The following EEA1 variants were observed in gnomAD, a reference collection of about 807,000 sequenced individuals.
EEA1 encodes early endosome antigen 1, 162kD.
Under a neutral mutation model 209.2 loss-of-function variants are expected in EEA1, and 111 were observed. The observed-to-expected ratio is 0.53, with a 90% confidence interval of 0.45 to 0.62. EEA1 has a LOEUF of 0.62. Among genes scored for constraint, EEA1 ranks in the 20% least tolerant of loss-of-function variants. The probability of loss-of-function intolerance (pLI) is 0.00; values close to 1 mark genes in which losing one functional copy is unlikely to be tolerated. For synonymous variants in EEA1, 536 were observed against 540.6 expected, an observed-to-expected ratio of 0.99 and a Z score of 0.12; for missense variants, 1,343 against 1,530.8, an observed-to-expected ratio of 0.88 and a Z score of 2.05.
chr12:92,806,025 C>T (rs1875184576), intron 18 of EEA1, among the ~76,000 whole-genome samples: 1 of 151,836 alleles, frequency 6.6e-6, no homozygotes, highest in Non-Finnish European at 1.5e-5. Context: ...CTACCATCTG[C>T]AGAAATCTTA....
At chr12:92,885,485 A>G (rs1340158063) in intron 2 of EEA1, among the ~76,000 whole-genome samples, 1 of 152,248 alleles carries the variant, frequency 6.6e-6, no homozygotes, top group Non-Finnish European at 1.5e-5. Flanking sequence ...TATTGGTGGC[A>G]TATGGAAAAA....
intron 1 of EEA1, among the ~76,000 whole-genome samples, chr12:92,910,478 T>A (rs2926794): frequency 0.87 from 131,017 of 150,436 alleles, 57,518 homozygotes; most frequent in East Asian, 0.95. Flanking sequence ...CAAAAAAAAA[T>A]AAATAAATAA....
chr12:92,791,172 C>A (rs891708171), intron 21 of EEA1, among the ~76,000 whole-genome samples: 1 of 152,028 alleles, frequency 6.6e-6, no homozygotes, highest in Non-Finnish European at 1.5e-5. Context: ...CAAAAACAGG[C>A]CAAATTGTAA....
intron 10 of EEA1, among the ~76,000 whole-genome samples, chr12:92,840,518 G>A (rs543184219): frequency 6.6e-6 from 1 of 152,116 alleles, no homozygotes; most frequent in African/African-American, 2.4e-5. Flanking sequence ...CACCATGTTG[G>A]CCAGGCTGGT....
Position 92,775,850 on chromosome 12 carries a change from A to G in EEA1, c.*161T>C, listed in dbSNP as rs1366364108. The G allele has an allele frequency of 1.7e-6, 1 of 587,944 alleles. No homozygotes were observed. Among genetic ancestry groups the G allele is most frequent in the Admixed American group, 4.2e-5 (1 of 23,634 alleles). The allele number at this position is 587,944 out of a possible 1,614,324, so 36.4% of individuals were successfully genotyped here. ...AGCCCAAGTCTCACAAAAATAGAAG[A>G]GTTTTACTTGATATCCATAACATTC... On this transcript the variant is annotated 3_prime_UTR_variant, in exon 29 of 29. Coordinates refer to ENST00000322349, the MANE Select transcript of EEA1 (RefSeq NM_003566.4).
chr12:92,801,787 C>T (rs561079385), intron 19 of EEA1, 86 bp from the exon 20 acceptor site: 68 of 853,502 alleles, frequency 8.0e-5, no homozygotes, highest in Middle Eastern at 3.8e-4. Context: ...AAGATACACA[C>T]GAAGAAATAA....
intron 9 of EEA1, among the ~76,000 whole-genome samples, chr12:92,845,494 T>C (rs1486504471): frequency 6.6e-6 from 1 of 152,200 alleles, no homozygotes; most frequent in Non-Finnish European, 1.5e-5. Flanking sequence ...CCTTCTTCTC[T>C]AATAGGCCAA....
intron 14 of EEA1, 62 bp downstream of exon 14, chr12:92,819,246 C>T: frequency 7.6e-7 from 1 of 1,322,984 alleles, no homozygotes; most frequent in Non-Finnish European, 1.0e-6. Flanking sequence ...AAATAAAGCA[C>T]TTAGTAAGAC....
At chr12:92,898,621 G>A (rs1402113247) in intron 1 of EEA1, among the ~76,000 whole-genome samples, 3 of 147,178 alleles carry the variant, frequency 2.0e-5, no homozygotes, top group Non-Finnish European at 3.0e-5. Flanking sequence ...CCGAGATCGT[G>A]CCACCGCACT....
At chr12:92,877,107 C>T (rs1878935773) in intron 2 of EEA1, among the ~76,000 whole-genome samples, 1 of 149,598 alleles carries the variant, frequency 6.7e-6, no homozygotes, top group East Asian at 1.9e-4. Context: ...TCATGTCCAG[C>T]TAAATTTTTT....
intron 5 of EEA1, among the ~76,000 whole-genome samples, chr12:92,855,684 T>C (rs1468326755): frequency 6.6e-5 from 10 of 152,196 alleles, no homozygotes; most frequent in Admixed American, 3.3e-4. Flanking sequence ...TTTTTGTTTC[T>C]CTATACATTG....
chr12:92,923,240 C>A (rs1181170694), intron 1 of EEA1, among the ~76,000 whole-genome samples: 2 of 151,158 alleles, frequency 1.3e-5, no homozygotes, highest in African/African-American at 2.4e-5. Flanking sequence ...CCCAGCTACT[C>A]GGGAGGCTGA....
At chr12:92,778,216 A>C (rs1219920239) in intron 25 of EEA1, 37 bp from the exon 26 acceptor site, 1 of 1,512,426 alleles carries the variant, frequency 6.6e-7, no homozygotes, top group Non-Finnish European at 9.1e-7. Flanking sequence ...AATCTATTAC[A>C]AAAGTAGTGC....
intron 12 of EEA1, among the ~76,000 whole-genome samples, chr12:92,827,520 A>C (rs1876372524): frequency 6.6e-6 from 1 of 152,248 alleles, no homozygotes; most frequent in Non-Finnish European, 1.5e-5. Flanking sequence ...TAATTTTTAA[A>C]AGCAAAAATC....
intron 1 of EEA1, among the ~76,000 whole-genome samples, chr12:92,895,194 C>T (rs1186820716): frequency 1.6e-5 from 2 of 123,770 alleles, no homozygotes. Context: ...CTCACTCTGT[C>T]GCCCAGGCTG....
chr12:92,885,011 T>C lies in EEA1; in HGVS notation c.117+6618A>G, dbSNP rs1879320803. On this transcript the variant is annotated intron_variant, in intron 2 of 28. Transcript: ENST00000322349. ...TGTTGATTGCTAAATGTAAGTCTGATCATGATGCAGAATAAATGTCTTTTT... is the reference window on the plus strand; with the variant it reads ...TGTTGATTGCTAAATGTAAGTCTGACCATGATGCAGAATAAATGTCTTTTT... Among the ~76,000 whole-genome samples the C allele has an allele frequency of 4.0e-5, 6 of 151,108 alleles. No individual in the cohort carries two copies. The South Asian group carries it at 1.3e-3, about 32-fold the overall frequency.
At chr12:92,906,070 C>T (rs1445006755) in intron 1 of EEA1, among the ~76,000 whole-genome samples, 1 of 150,376 alleles carries the variant, frequency 6.6e-6, no homozygotes, top group East Asian at 1.9e-4. Flanking sequence ...CCACACCTGG[C>T]TAATTTTCTT....
chr12:92,884,606 T>A, intron 2 of EEA1: 5 of 1,419,530 alleles, frequency 3.5e-6, no homozygotes, highest in Non-Finnish European at 4.9e-6. Flanking sequence ...CCCTGGCCCC[T>A]ATGGTGGTGG....
chr12:92,845,883 C>A (rs1393890501), intron 9 of EEA1, among the ~76,000 whole-genome samples: 1 of 152,098 alleles, frequency 6.6e-6, no homozygotes, highest in East Asian at 1.9e-4. Context: ...AGTAATTATA[C>A]CTCCAAAGAG....
Sources: gnomAD v4.1 joint callset for allele counts (sites outside exome capture counted in the v4.1 genomes callset) on GRCh38, gnomAD v4.1.1 for gene constraint, MANE v1.5 for transcripts, NCBI Gene and HGNC (gene_info 2026-07-23, HGNC 2026-07-21) for gene names.